The following C12orf42 variants were observed in gnomAD, a reference collection of about 807,000 sequenced individuals.
C12orf42 encodes the protein uncharacterized protein C12orf42.
C12orf42 carries 25 observed loss-of-function variants against 21.6 expected under a neutral mutation model. That is an observed-to-expected ratio of 1.16 (90% confidence interval 0.84 to 1.62). C12orf42 has a LOEUF of 1.62. C12orf42 is among the 40% of genes most tolerant of loss of function. The pLI, the probability that C12orf42 is intolerant of heterozygous loss-of-function variation, is 0.00. For missense variants in C12orf42, 483 were observed against 459.3 expected, an observed-to-expected ratio of 1.05 and a Z score of -0.47; for synonymous variants, 174 against 175.0, an observed-to-expected ratio of 0.99 and a Z score of 0.05.
At chr12:103,262,637 A>G (rs535751897) in intron 10 of C12orf42, among the ~76,000 whole-genome samples, 1 of 152,340 alleles carries the variant, frequency 6.6e-6, no homozygotes, top group African/African-American at 2.4e-5. Context: ...TTAAAAGAAT[A>G]CCTTCTATTA....
chr12:103,288,520 T>C (rs528418359), intron 4 of C12orf42, among the ~76,000 whole-genome samples: 28 of 152,334 alleles, frequency 1.8e-4, no homozygotes, highest in African/African-American at 6.7e-4. Flanking sequence ...CAAGCACTTT[T>C]ACCTGTCACT....
chr12:103,372,214 A>C (rs1190283257), intron 3 of C12orf42, among the ~76,000 whole-genome samples: 1 of 152,098 alleles, frequency 6.6e-6, no homozygotes, highest in Non-Finnish European at 1.5e-5. Flanking sequence ...CCCTGCTTGC[A>C]GTTCACCTCC....
the C12orf42 span, among the ~76,000 whole-genome samples, chr12:103,520,335 G>A: frequency 6.6e-6 from 1 of 152,054 alleles, no homozygotes; most frequent in African/African-American, 2.4e-5. Flanking sequence ...TGTTCCCTCT[G>A]TTTACCTAAA....
At chr12:103,228,556 A>G in the C12orf42 span, among the ~76,000 whole-genome samples, 2 of 152,084 alleles carry the variant, frequency 1.3e-5, no homozygotes, top group African/African-American at 2.4e-5. Context: ...AGGCCTGACA[A>G]TGTTCATGGC....
At chr12:103,151,120 G>A in the C12orf42 span, among the ~76,000 whole-genome samples, 1 of 151,990 alleles carries the variant, frequency 6.6e-6, no homozygotes, top group Admixed American at 6.6e-5. Context: ...TAGAGATGGG[G>A]GTTTCACCAT....
chr12:103,109,347 G>T, the C12orf42 span, among the ~76,000 whole-genome samples: 1 of 152,004 alleles, frequency 6.6e-6, no homozygotes, highest in Non-Finnish European at 1.5e-5. Flanking sequence ...TTACACACAC[G>T]GGTGTGCGTG....
At chr12:103,561,119 G>A in the C12orf42 span, among the ~76,000 whole-genome samples, 3 of 152,024 alleles carry the variant, frequency 2.0e-5, no homozygotes, top group Admixed American at 6.6e-5. Context: ...GAATTATTAG[G>A]CACTACAATG....
At chr12:103,090,730 C>T in the C12orf42 span, among the ~76,000 whole-genome samples, 2,697 of 151,824 alleles carry the variant, frequency 0.018, 37 homozygotes, top group Middle Eastern at 0.041. Flanking sequence ...ACATTTCAAC[C>T]GGGAGTTGTA....
intron 10 of C12orf42, among the ~76,000 whole-genome samples, chr12:103,238,454 A>C (rs555908459): frequency 6.6e-6 from 1 of 152,336 alleles, no homozygotes; most frequent in Admixed American, 6.5e-5. Context: ...CTGTACCAGA[A>C]TCTTCATTCT....
At chr12:103,294,428 G>GAGAGAAAGAAAGAAAGAA (rs754499754) in intron 4 of C12orf42, among the ~76,000 whole-genome samples, 87 of 96,078 alleles carry the variant, frequency 9.1e-4, no homozygotes, top group African/African-American at 3.8e-3. Flanking sequence ...AAAGGAGAGA[G>GAGAGAAAGAAAGAAAGAA]AGAAAGAAAG....
the C12orf42 span, among the ~76,000 whole-genome samples, chr12:103,545,848 T>C: frequency 6.6e-6 from 1 of 152,208 alleles, no homozygotes; most frequent in African/African-American, 2.4e-5. Flanking sequence ...GCTCACAACC[T>C]TGGAATTATT....
intron 4 of C12orf42, among the ~76,000 whole-genome samples, chr12:103,353,645 G>T (rs1593570236): frequency 1.3e-5 from 2 of 152,084 alleles, no homozygotes; most frequent in Non-Finnish European, 2.9e-5. Context: ...GTTTGTATTT[G>T]CATCATTTCT....
Position 103,460,278 on chromosome 12 carries a change from A to C in C12orf42, c.78+18071T>G, listed in dbSNP as rs1421191705. Among the ~76,000 whole-genome samples, 3 of 91,298 alleles carry C rather than the reference A, an allele frequency of 3.3e-5. No individual in the cohort carries two copies. The Admixed American group carries it at 4.2e-4, about 13-fold the overall frequency. The allele number at this position is 91,298 out of a possible 152,430, so 59.9% of individuals were successfully genotyped here. A position where few individuals can be genotyped will look rare whatever the true frequency, so the allele number is the denominator to read the frequency against. ...TCCAAACATTGGACAGAACAAAAAAAAAAAAGAGAGAGAGAGAGAGATTGA... is the reference window on the plus strand; with the variant it reads ...TCCAAACATTGGACAGAACAAAAAACAAAAAGAGAGAGAGAGAGAGATTGA... On this transcript the variant is annotated intron_variant, in intron 2 of 5. Coordinates refer to ENST00000548883, the MANE Select transcript of C12orf42 (RefSeq NM_198521.5).
At chr12:103,312,963 C>A (rs2039109793) in intron 4 of C12orf42, among the ~76,000 whole-genome samples, 1 of 152,168 alleles carries the variant, frequency 6.6e-6, no homozygotes, top group South Asian at 2.1e-4. Context: ...CTCTGAGATA[C>A]CAGCGAGCTG....
chr12:103,413,499 A>G (rs934531889), intron 2 of C12orf42, among the ~76,000 whole-genome samples: 1 of 128,092 alleles, frequency 7.8e-6, no homozygotes, highest in Non-Finnish European at 1.7e-5. Context: ...TATTATTTCA[A>G]TAGTTTTGGG....
At position 103,341,140 on chromosome 12, in the gene C12orf42, C is replaced by T. The variant is rs1171324470; in HGVS notation, c.259+27747G>A. Among the ~76,000 whole-genome samples, 5 of 138,708 alleles carry T rather than the reference C, an allele frequency of 3.6e-5. 1 individual carries two copies. In the South Asian group the frequency reaches 9.3e-4, roughly 26 times the overall value. The allele number at this position is 138,708 out of a possible 152,430, so 91.0% of individuals were successfully genotyped here. A position where few individuals can be genotyped will look rare whatever the true frequency, so the allele number is the denominator to read the frequency against. On this transcript the variant is annotated intron_variant, in intron 4 of 5. Transcript: ENST00000548883. Reference sequence around the variant, plus strand: ...AAAAAAAAAAAAAAAAAAAAAGACACCACAATAAAAATTATCCAAAATAAA... The same window carrying T: ...AAAAAAAAAAAAAAAAAAAAAGACATCACAATAAAAATTATCCAAAATAAA...
chr12:103,535,428 T>A, the C12orf42 span, among the ~76,000 whole-genome samples: 7 of 151,832 alleles, frequency 4.6e-5, no homozygotes, highest in South Asian at 6.2e-4. Context: ...TTTTTTTTTT[T>A]AAATCGAACC....
At chr12:103,434,789 G>C (rs1343817904) in intron 2 of C12orf42, among the ~76,000 whole-genome samples, 2 of 152,326 alleles carry the variant, frequency 1.3e-5, no homozygotes, top group Non-Finnish European at 1.5e-5. Context: ...ACAGCAGTCT[G>C]AGATCAAACT....
At chr12:103,530,630 G>C in the C12orf42 span, among the ~76,000 whole-genome samples, 1 of 152,106 alleles carries the variant, frequency 6.6e-6, no homozygotes, top group Admixed American at 6.5e-5. Context: ...AGTGTTCGGG[G>C]GGGGAAAACC....
Sources: allele counts gnomAD v4.1 joint callset (sites outside exome capture counted in the v4.1 genomes callset), GRCh38; gene constraint gnomAD v4.1.1; transcripts MANE v1.5; gene names NCBI Gene and HGNC (gene_info 2026-07-23, HGNC 2026-07-21).